DLGAP1: variants seen among roughly 807,000 people sequenced by gnomAD.
The protein encoded by DLGAP1 is DLG associated protein 1, also known as disks large-associated protein 1.
In DLGAP1, 11 loss-of-function variants were observed where a neutral mutation model predicts 90.8. That is an observed-to-expected ratio of 0.12 (90% confidence interval 0.08 to 0.20). DLGAP1 has a LOEUF of 0.20. DLGAP1 is among the 10% of genes least tolerant of loss of function. The pLI is 1.00. For synonymous variants in DLGAP1, 558 were observed against 540.7 expected (o/e 1.03, Z -0.44); for missense variants, 1,050 against 1,333.8 (o/e 0.79, Z 3.31).
In DLGAP1 at chr18:4,392,761, T is replaced by C. The variant is rs146882516; in HGVS notation, c.-267+62245A>G. 2.7e-3 allele frequency among the ~76,000 whole-genome samples: 413 copies of C among 152,330 alleles called. 7 individuals are homozygous for C. The highest frequency in any genetic ancestry group is 0.02 in the South Asian group (96 of 4,830). ...AGATCCAGCCTCACATTTCAAACTG[T>C]CTGCTTGGCATTTTCTCCTGGGTGT... On this transcript the variant is annotated intron_variant, in intron 1 of 12. Coordinates refer to ENST00000315677, the MANE Select transcript of DLGAP1 (RefSeq NM_004746.4).
chr18:3,676,959 T>G (rs1675255), intron 7 of DLGAP1, among the ~76,000 whole-genome samples: 62,052 of 151,908 alleles, frequency 0.41, 13,630 homozygotes, highest in East Asian at 0.65. Flanking sequence ...ATGCATTTTC[T>G]GTTGCCACCA....
intron 2 of DLGAP1, among the ~76,000 whole-genome samples, chr18:4,135,809 C>CTTTTTT (rs2076390695): frequency 1.2e-4 from 11 of 90,888 alleles, no homozygotes; most frequent in African/African-American, 4.1e-4. Flanking sequence ...TTTTTTTTTA[C>CTTTTTT]GGCTGAATAG....
At chr18:3,744,614 T>C (rs1188423110) in intron 5 of DLGAP1, among the ~76,000 whole-genome samples, 1 of 152,154 alleles carries the variant, frequency 6.6e-6, no homozygotes, top group African/African-American at 2.4e-5. Context: ...AGGTGGAGTG[T>C]AGCTCACTGC....
At chr18:3,741,838 T>C (rs1477367531) in intron 6 of DLGAP1, among the ~76,000 whole-genome samples, 1 of 117,598 alleles carries the variant, frequency 8.5e-6, no homozygotes, top group Non-Finnish European at 1.8e-5. Flanking sequence ...AAGTTTTCTT[T>C]TTCTTTTTCT....
intron 4 of DLGAP1, among the ~76,000 whole-genome samples, chr18:3,817,658 A>G (rs904091882): frequency 6.6e-6 from 1 of 152,202 alleles, no homozygotes; most frequent in African/African-American, 2.4e-5. Flanking sequence ...AGCAAAAGGG[A>G]GACATTGCTT....
At chr18:3,789,546 A>G (rs2065625763) in intron 5 of DLGAP1, among the ~76,000 whole-genome samples, 1 of 152,208 alleles carries the variant, frequency 6.6e-6, no homozygotes, top group East Asian at 1.9e-4. Context: ...AGGCAGGACC[A>G]TAGGGTGTAT....
chr18:3,571,936 T>C (rs763749688), intron 8 of DLGAP1, among the ~76,000 whole-genome samples: 2 of 152,316 alleles, frequency 1.3e-5, no homozygotes, highest in Middle Eastern at 3.4e-3. Flanking sequence ...TTGTTACTAC[T>C]GTGAATGGGT....
At chr18:3,519,183 G>A (rs1015798083) in intron 10 of DLGAP1, among the ~76,000 whole-genome samples, 1 of 152,146 alleles carries the variant, frequency 6.6e-6, no homozygotes, top group Non-Finnish European at 1.5e-5. Flanking sequence ...CAGACTCACT[G>A]CAAAACGAAG....
At chr18:4,256,242 A>G (rs1318859084) in intron 1 of DLGAP1, among the ~76,000 whole-genome samples, 2 of 152,086 alleles carry the variant, frequency 1.3e-5, no homozygotes, top group Non-Finnish European at 2.9e-5. Context: ...CACACAAACA[A>G]ACAAAACATT....
chr18:4,331,857 A>G (rs1425434302), intron 1 of DLGAP1, among the ~76,000 whole-genome samples: 1 of 151,920 alleles, frequency 6.6e-6, no homozygotes, highest in Non-Finnish European at 1.5e-5. Flanking sequence ...AAGTGTTATC[A>G]CTTTATTCAT....
intron 3 of DLGAP1, among the ~76,000 whole-genome samples, chr18:3,880,993 C>G (rs987922819): frequency 3.0e-5 from 4 of 135,176 alleles, no homozygotes; most frequent in Non-Finnish European, 6.5e-5. Flanking sequence ...GAAAAGAAAA[C>G]TATATTTAAA....
At chr18:3,962,319 A>AAT (rs1437064437) in intron 3 of DLGAP1, 1 of 152,190 alleles carries the variant, frequency 6.6e-6, no homozygotes, top group Non-Finnish European at 1.5e-5. Flanking sequence ...TTGAACTGGT[A>AAT]ACAAACTAGT....
intron 3 of DLGAP1, among the ~76,000 whole-genome samples, chr18:3,937,944 C>A (rs9948987): frequency 0.14 from 22,047 of 152,142 alleles, 1,681 homozygotes; most frequent in Middle Eastern, 0.18. Flanking sequence ...ACAGTGGAAA[C>A]ATCAATAGGC....
chr18:3,956,450 G>C (rs748199459), intron 3 of DLGAP1, among the ~76,000 whole-genome samples: 2 of 151,738 alleles, frequency 1.3e-5, no homozygotes, highest in Admixed American at 1.3e-4. Context: ...CCGGGTTCAC[G>C]CCATTCTCCT....
At chr18:3,757,276 C>T (rs751156413) in intron 5 of DLGAP1, among the ~76,000 whole-genome samples, 2 of 152,114 alleles carry the variant, frequency 1.3e-5, no homozygotes, top group Admixed American at 1.3e-4. Flanking sequence ...GGTGTGGTGG[C>T]ATGCGCCTGT....
chr18:4,352,801 ATTTGACTTAATGCTTCTCTACCAATGAT>A (rs2081428796), intron 1 of DLGAP1, among the ~76,000 whole-genome samples: 1 of 152,152 alleles, frequency 6.6e-6, no homozygotes, highest in Non-Finnish European at 1.5e-5. Context: ...CTTTACGCTT[ATTTGACTTAATGCTTCTCTACCAATGAT>A]TTTCTGTATG....
intron 3 of DLGAP1, chr18:3,995,431 C>G (rs2149061412): frequency 6.6e-6 from 1 of 152,262 alleles, no homozygotes; most frequent in East Asian, 1.9e-4. Flanking sequence ...TCTTTTGTAT[C>G]TTCTTCGGGA....
intron 1 of DLGAP1, among the ~76,000 whole-genome samples, chr18:4,330,463 T>C (rs1008190454): frequency 1.3e-5 from 2 of 151,824 alleles, no homozygotes; most frequent in Admixed American, 6.6e-5. Context: ...ACTTAGACCA[T>C]TGATTTGATA....
At chr18:4,422,161 G>A (rs1321238687) in intron 1 of DLGAP1, among the ~76,000 whole-genome samples, 1 of 151,214 alleles carries the variant, frequency 6.6e-6, no homozygotes, top group Admixed American at 6.6e-5. Flanking sequence ...CAATAATAGG[G>A]GCTTACCTGA....
Sources: allele counts gnomAD v4.1 joint callset (sites outside exome capture counted in the v4.1 genomes callset), GRCh38; gene constraint gnomAD v4.1.1; transcripts MANE v1.5; gene names NCBI Gene and HGNC (gene_info 2026-07-23, HGNC 2026-07-21).